The following DNAJC13 variants were observed in gnomAD, a reference collection of about 807,000 sequenced individuals.
The protein encoded by DNAJC13 is dnaJ homolog subfamily C member 13.
A neutral mutation model predicts 290.5 loss-of-function variants in DNAJC13; 75 were observed. The ratio of observed to expected loss-of-function variants is 0.26; its 90% CI spans 0.21 to 0.31. The LOEUF is 0.31. Among genes scored for constraint, DNAJC13 ranks in the 10% least tolerant of loss-of-function variants. DNAJC13 has a pLI of 1.00. For missense variants in DNAJC13, 2,260 were observed against 2,674.5 expected (o/e 0.85, Z 3.42); for synonymous variants, 862 against 892.0 (o/e 0.97, Z 0.60).
intron 29 of DNAJC13, among the ~76,000 whole-genome samples, chr3:132,485,694 C>G (rs919982524): frequency 1.3e-5 from 2 of 152,212 alleles, no homozygotes; most frequent in Non-Finnish European, 2.9e-5. Context: ...TCACAGCAGT[C>G]TTACTAACTT....
Position 132,507,294 on chromosome 3 carries a change from C to T in DNAJC13, c.5056C>T (p.Leu1686Phe). The change falls in exon 43 of 56, where the codon CTT becomes TTT. Residue 1686 changes from leucine to phenylalanine, a missense_variant. Coordinates refer to ENST00000260818, the MANE Select transcript of DNAJC13 (RefSeq NM_015268.4). ...EFVYSDHAKE[L>F]IVGEIFVRVY... ...TGTCTACAGTGATCATGCCAAAGAACTTATTGTAGGGGAGATTTTTGTTAG... is the reference window on the plus strand; with the variant it reads ...TGTCTACAGTGATCATGCCAAAGAATTTATTGTAGGGGAGATTTTTGTTAG... The T allele has an allele frequency of 6.2e-7, 1 of 1,613,432 alleles. No homozygotes were observed.
chr3:132,507,093 T>G, intron 42 of DNAJC13, 144 bp from the exon 43 acceptor site: 1 of 508,436 alleles, frequency 2.0e-6, no homozygotes, highest in Non-Finnish European at 3.5e-6. Flanking sequence ...TATTCCAAAG[T>G]CTTTTTAAGT....
intron 42 of DNAJC13, among the ~76,000 whole-genome samples, chr3:132,506,045 C>CTTTTTTTTTTTTTTTTTTTTTTTTT (rs573857472): frequency 1.4e-5 from 1 of 72,648 alleles, no homozygotes; most frequent in African/African-American, 4.3e-5. Context: ...TGTACATTAT[C>CTTTTTTTTTTTTTTTTTTTTTTTTT]TTTTTTTTTT....
At chr3:132,537,911 G>A (rs540561436) in intron 55 of DNAJC13, among the ~76,000 whole-genome samples, 2 of 152,310 alleles carry the variant, frequency 1.3e-5, no homozygotes, top group African/African-American at 2.4e-5. Flanking sequence ...TTTCCCAAAT[G>A]TAAGAAAGAA....
At chr3:132,513,677 A>T (rs1004873605) in intron 45 of DNAJC13, among the ~76,000 whole-genome samples, 2 of 152,180 alleles carry the variant, frequency 1.3e-5, no homozygotes, top group South Asian at 2.1e-4. Flanking sequence ...GTCCAAGAGA[A>T]GTTGGAGTCC....
At chr3:132,532,582 A>C (rs1209519130) in intron 55 of DNAJC13, among the ~76,000 whole-genome samples, 4 of 152,092 alleles carry the variant, frequency 2.6e-5, no homozygotes, top group Admixed American at 6.5e-5. Context: ...TGTTAAAATT[A>C]TAGCTTCTAA....
At chr3:132,430,589 A>G (rs984121489) in intron 1 of DNAJC13, among the ~76,000 whole-genome samples, 6 of 152,078 alleles carry the variant, frequency 3.9e-5, no homozygotes, top group African/African-American at 1.2e-4. Context: ...AGTTATTCCA[A>G]TATCTTAAGT....
intron 2 of DNAJC13, among the ~76,000 whole-genome samples, chr3:132,434,827 G>C (rs1024302437): frequency 3.9e-5 from 6 of 151,942 alleles, no homozygotes; most frequent in African/African-American, 1.2e-4. Context: ...GAAGGAGTTT[G>C]GTAAGAATTA....
At position 132,528,223 on chromosome 3, in the gene DNAJC13, A is replaced by C; in HGVS notation, c.6416A>C (p.Lys2139Thr). 6.2e-7 allele frequency: 1 copy of C among 1,614,100 alleles called. No homozygotes were observed. The highest frequency in any genetic ancestry group is 8.5e-7 in the Non-Finnish European group (1 of 1,180,002). The change falls in exon 54 of 56, where the codon AAA (lysine) becomes ACA (threonine). Residue 2139 changes from lysine (K) to threonine (T), a missense_variant. Coordinates refer to ENST00000260818, the MANE Select transcript of DNAJC13 (RefSeq NM_015268.4). ...GCAGATTTGGTTCCATACCTCTTAA[A>C]ATTACTCGAAGGCATTGGCCTTGAA... Reference protein sequence around the residue: ...LKADLVPYLLKLLEGIGLENL... With the variant: ...LKADLVPYLLTLLEGIGLENL...
intron 54 of DNAJC13, among the ~76,000 whole-genome samples, chr3:132,529,777 ACT>A (rs759780591): frequency 1.2e-4 from 17 of 137,718 alleles, no homozygotes; most frequent in Non-Finnish European, 2.0e-4. Flanking sequence ...AAAGAGCGAG[ACT>A]CTGTCTCAAA....
intron 29 of DNAJC13, among the ~76,000 whole-genome samples, chr3:132,486,839 G>A (rs1426320448): frequency 1.3e-5 from 2 of 152,040 alleles, no homozygotes; most frequent in Admixed American, 6.6e-5. Context: ...GTGAGTAAAC[G>A]TTCTAGGTTT....
At chr3:132,519,968 T>C (rs2107741057) in intron 48 of DNAJC13, among the ~76,000 whole-genome samples, 1 of 152,296 alleles carries the variant, frequency 6.6e-6, no homozygotes, top group South Asian at 2.1e-4. Context: ...GAGGAGAGAC[T>C]GTGCAGGGAA....
At chr3:132,504,730 A>T (rs1286254248) in intron 41 of DNAJC13, among the ~76,000 whole-genome samples, 2 of 152,238 alleles carry the variant, frequency 1.3e-5, no homozygotes, top group Non-Finnish European at 2.9e-5. Flanking sequence ...TACATTTAAA[A>T]TTGAGGAGAG....
intron 27 of DNAJC13, 108 bp downstream of exon 27, chr3:132,482,438 G>A (rs1934710247): frequency 1.3e-6 from 1 of 773,122 alleles, no homozygotes; most frequent in South Asian, 2.1e-5. Flanking sequence ...TTAAATTCCT[G>A]TTATTAGCTC....
intron 1 of DNAJC13, among the ~76,000 whole-genome samples, chr3:132,424,529 A>G (rs1939042146): frequency 6.6e-6 from 1 of 152,158 alleles, no homozygotes. Context: ...AGTTTGTAAT[A>G]GAAAGGAATC....
At chr3:132,418,052 T>A (rs1938845890) in intron 1 of DNAJC13, among the ~76,000 whole-genome samples, 1 of 152,102 alleles carries the variant, frequency 6.6e-6, no homozygotes, top group African/African-American at 2.4e-5. Flanking sequence ...AACATATCCT[T>A]ACCCCACAGG....
intron 55 of DNAJC13, among the ~76,000 whole-genome samples, chr3:132,532,016 A>G (rs540332852): frequency 7.9e-5 from 12 of 152,346 alleles, no homozygotes; most frequent in African/African-American, 1.9e-4. Flanking sequence ...AGGCTTCAAC[A>G]TAAGTCAGAC....
At chr3:132,457,031 T>C (rs894767730) in intron 12 of DNAJC13, among the ~76,000 whole-genome samples, 199 bp downstream of exon 12, 8 of 152,208 alleles carry the variant, frequency 5.3e-5, no homozygotes, top group African/African-American at 1.9e-4. Context: ...ACCAGTAATA[T>C]AACTGACTCT....
intron 48 of DNAJC13, among the ~76,000 whole-genome samples, chr3:132,517,279 C>T (rs1468013973): frequency 6.6e-6 from 1 of 152,214 alleles, no homozygotes; most frequent in Admixed American, 6.5e-5. Flanking sequence ...TCCAACTCTG[C>T]AGGGAGATCT....
Sources: gnomAD v4.1 joint callset for allele counts (sites outside exome capture counted in the v4.1 genomes callset) on GRCh38, gnomAD v4.1.1 for gene constraint, MANE v1.5 for transcripts, NCBI Gene and HGNC (gene_info 2026-07-23, HGNC 2026-07-21) for gene names.